The following APBB2 variants were observed in gnomAD, a reference collection of about 807,000 sequenced individuals.
APBB2 encodes the protein amyloid beta precursor protein binding family B member 2.
APBB2 carries 38 observed loss-of-function variants against 82.5 expected under a neutral mutation model. The ratio of observed to expected loss-of-function variants is 0.46; its 90% confidence interval spans 0.36 to 0.60. APBB2 has a LOEUF of 0.60. Ranked by LOEUF, APBB2 falls within the 20% of genes least tolerant of loss-of-function variation. The probability of loss-of-function intolerance (pLI) is 0.00; values close to 1 mark genes in which losing one functional copy is unlikely to be tolerated. For missense variants in APBB2, 772 were observed against 972.3 expected (o/e 0.79, Z 2.74); for synonymous variants, 341 against 368.2 (o/e 0.93, Z 0.85).
intron 12 of APBB2, among the ~76,000 whole-genome samples, chr4:40,862,615 C>T (rs941320259): frequency 3.3e-5 from 5 of 152,198 alleles, no homozygotes; most frequent in Admixed American, 1.3e-4. Context: ...AATCCCAGAA[C>T]TTCGGGAGGC....
At chr4:40,881,681 G>A (rs1203868324) in intron 12 of APBB2, among the ~76,000 whole-genome samples, 2 of 151,518 alleles carry the variant, frequency 1.3e-5, no homozygotes, top group South Asian at 2.1e-4. Flanking sequence ...TTCCAGGTGT[G>A]CACTATCACA....
chr4:40,965,173 C>G (rs1794378725), intron 6 of APBB2, among the ~76,000 whole-genome samples: 2 of 149,354 alleles, frequency 1.3e-5, no homozygotes, highest in South Asian at 2.2e-4. Flanking sequence ...AACGTGGCAG[C>G]TAGGTAAGGA....
intron 1 of APBB2, among the ~76,000 whole-genome samples, chr4:41,204,596 C>T (rs1172931155): frequency 6.6e-6 from 1 of 152,204 alleles, no homozygotes; most frequent in African/African-American, 2.4e-5. Flanking sequence ...GTATTTCTCC[C>T]AGTAATACGT....
chr4:41,204,891 A>G (rs1263214136), intron 1 of APBB2, among the ~76,000 whole-genome samples: 1 of 152,192 alleles, frequency 6.6e-6, no homozygotes, highest in Admixed American at 6.5e-5. Flanking sequence ...ACTGAATGAA[A>G]TGCTTTCCAA....
intron 10 of APBB2, among the ~76,000 whole-genome samples, chr4:40,931,366 C>T (rs998920793): frequency 4.6e-5 from 7 of 152,260 alleles, no homozygotes; most frequent in African/African-American, 1.7e-4. Flanking sequence ...GCGGCCTTTA[C>T]CTCCCAGGCT....
chr4:41,004,804 T>A (rs1214763155), intron 6 of APBB2, among the ~76,000 whole-genome samples: 1 of 109,522 alleles, frequency 9.1e-6, no homozygotes, highest in Non-Finnish European at 1.7e-5. Flanking sequence ...GCCACTGCAC[T>A]CCAGCCTGGG....
intron 5 of APBB2, among the ~76,000 whole-genome samples, chr4:41,023,312 G>C (rs1050532195): frequency 1.4e-4 from 21 of 152,182 alleles, no homozygotes; most frequent in Non-Finnish European, 2.1e-4. Context: ...TCTATGATTA[G>C]ATCCTATGTC....
chr4:40,940,925 C>T (rs1041626542), intron 7 of APBB2, among the ~76,000 whole-genome samples: 3 of 152,184 alleles, frequency 2.0e-5, no homozygotes, highest in African/African-American at 7.2e-5. Flanking sequence ...GGGAGGAGCA[C>T]CACGTGCTAA....
At chr4:40,940,114 C>T (rs979058374) in intron 7 of APBB2, among the ~76,000 whole-genome samples, 9 of 152,110 alleles carry the variant, frequency 5.9e-5, no homozygotes, top group East Asian at 1.9e-4. Flanking sequence ...GAACAGGTCC[C>T]GGCCACCAAG....
intron 2 of APBB2, among the ~76,000 whole-genome samples, chr4:41,126,314 G>A (rs1451315990): frequency 6.6e-6 from 1 of 152,066 alleles, no homozygotes; most frequent in African/African-American, 2.4e-5. Flanking sequence ...AGACCAGGAA[G>A]TCAAGGCTAC....
chr4:40,889,172 T>A (rs1010015803), intron 12 of APBB2, among the ~76,000 whole-genome samples: 9 of 152,226 alleles, frequency 5.9e-5, no homozygotes, highest in Non-Finnish European at 1.0e-4. Flanking sequence ...GGAAGGCTTA[T>A]CCAATTGGCA....
intron 6 of APBB2, among the ~76,000 whole-genome samples, chr4:40,997,389 T>C (rs1009729993): frequency 1.3e-5 from 2 of 152,238 alleles, no homozygotes; most frequent in African/African-American, 2.4e-5. Context: ...ATATCAGATA[T>C]ACTTTCTTTA....
At chr4:40,960,849 T>A (rs1032878607) in intron 6 of APBB2, among the ~76,000 whole-genome samples, 2 of 151,866 alleles carry the variant, frequency 1.3e-5, no homozygotes, top group African/African-American at 4.8e-5. Flanking sequence ...CCACCCGATA[T>A]AAACGCTACA....
At chr4:41,189,411 G>C (rs1194683524) in intron 1 of APBB2, among the ~76,000 whole-genome samples, 3 of 152,066 alleles carry the variant, frequency 2.0e-5, no homozygotes, top group Admixed American at 2.0e-4. Context: ...ATCTTGACCT[G>C]GGTAATGGCT....
intron 12 of APBB2, chr4:40,881,175 C>T: frequency 2.0e-6 from 2 of 985,388 alleles, no homozygotes; most frequent in Non-Finnish European, 2.4e-6. Context: ...TATCATGGAG[C>T]TGCATTAAAG....
At chr4:40,909,313 A>G (rs1451531711) in intron 10 of APBB2, among the ~76,000 whole-genome samples, 2 of 152,226 alleles carry the variant, frequency 1.3e-5, no homozygotes, top group African/African-American at 2.4e-5. Context: ...GCCAAGTGTC[A>G]GTCGACTGCA....
intron 6 of APBB2, among the ~76,000 whole-genome samples, chr4:40,975,597 T>C (rs1277244480): frequency 6.6e-6 from 1 of 152,112 alleles, no homozygotes; most frequent in African/African-American, 2.4e-5. Flanking sequence ...CATTTATGAG[T>C]CCTTACTGCC....
intron 12 of APBB2, among the ~76,000 whole-genome samples, chr4:40,831,508 G>C (rs1333203350): frequency 6.6e-6 from 1 of 152,166 alleles, no homozygotes; most frequent in African/African-American, 2.4e-5. Flanking sequence ...CTTCTATCTA[G>C]TGTAATAACC....
intron 3 of APBB2, among the ~76,000 whole-genome samples, chr4:41,070,284 T>C (rs1441594669): frequency 6.6e-6 from 1 of 152,170 alleles, no homozygotes; most frequent in Non-Finnish European, 1.5e-5. Flanking sequence ...GGTATCATGA[T>C]CTTACTGGAC....
Sources: gnomAD v4.1 joint callset for allele counts (sites outside exome capture counted in the v4.1 genomes callset) on GRCh38, gnomAD v4.1.1 for gene constraint, MANE v1.5 for transcripts, NCBI Gene and HGNC (gene_info 2026-07-23, HGNC 2026-07-21) for gene names.